Variants in OTUD7A observed in about 807,000 individuals in gnomAD.
OTUD7A encodes the protein OTU deubiquitinase 7A.
In OTUD7A, 12 loss-of-function variants were observed where a neutral mutation model predicts 65.7. The observed-to-expected ratio is 0.18, with a 90% CI of 0.12 to 0.30. The LOEUF (loss-of-function observed/expected upper bound fraction) is 0.30. OTUD7A is among the 10% of genes least tolerant of loss of function. The pLI, the probability that OTUD7A is intolerant of heterozygous loss-of-function variation, is 1.00. For synonymous variants in OTUD7A, 641 were observed against 586.3 expected, an observed-to-expected ratio of 1.09 and a Z score of -1.35; for missense variants, 1,148 against 1,304.8, an observed-to-expected ratio of 0.88 and a Z score of 1.85.
At chr15:31,508,595 G>A (rs1173306167) in intron 8 of OTUD7A, among the ~76,000 whole-genome samples, 2 of 152,310 alleles carry the variant, frequency 1.3e-5, no homozygotes, top group Admixed American at 6.5e-5. Flanking sequence ...CTCATGATCC[G>A]CCTGCCTCAG....
intron 1 of OTUD7A, among the ~76,000 whole-genome samples, chr15:31,699,778 C>A (rs1027032192): frequency 6.6e-6 from 1 of 151,928 alleles, no homozygotes; most frequent in Non-Finnish European, 1.5e-5. Flanking sequence ...TATCACATCC[C>A]TTCTTGTCAA....
intron 8 of OTUD7A, among the ~76,000 whole-genome samples, chr15:31,513,948 G>C (rs2041801892): frequency 6.6e-6 from 1 of 152,058 alleles, no homozygotes; most frequent in Non-Finnish European, 1.5e-5. Context: ...GTGATTATGT[G>C]GATGCTCAGA....
chr15:31,510,599 ATATG>A lies in OTUD7A; in HGVS notation c.894-6785_894-6782del, dbSNP rs2041678909. ...ATATGTAACATACATATGTATATCT[ATATG>A]TAACATACATATGTATATCTATATG... On this transcript the variant is annotated intron_variant, in intron 8 of 12. Coordinates refer to ENST00000307050, the MANE Select transcript of OTUD7A (RefSeq NM_001382637.1). Among the ~76,000 whole-genome samples, 3 of 41,274 alleles carry A rather than the reference ATATG, an allele frequency of 7.3e-5. 1 individual carries two copies. The South Asian group carries it at 3.0e-3, about 41-fold the overall frequency. The allele number at this position is 41,274 out of a possible 152,430, so 27.1% of individuals were successfully genotyped here.
intron 3 of OTUD7A, among the ~76,000 whole-genome samples, chr15:31,605,598 G>A (rs1429504110): frequency 6.6e-6 from 1 of 152,202 alleles, no homozygotes; most frequent in South Asian, 2.1e-4. Context: ...ATTAGGGGGC[G>A]CCTCCGTGCT....
At position 31,870,518 on chromosome 15, in the gene OTUD7A, C is replaced by T. The variant is rs1410578820; in HGVS notation, c.-111G>A. 4 of 148,954 alleles carry T rather than the reference C, an allele frequency of 2.7e-5. No individual in the cohort carries two copies. Among genetic ancestry groups the T allele is most frequent in the African/African-American group, 9.8e-5 (4 of 40,994 alleles). 9.2% of individuals were successfully genotyped at this position (148,954 alleles called of 1,614,324 possible). Reference sequence around the variant, plus strand: ...CAGCGCCGTCTTACCTGCCGCGCCGCGCCGCTCCGCTCCGCCAGCCCGCAG... The same window carrying T: ...CAGCGCCGTCTTACCTGCCGCGCCGTGCCGCTCCGCTCCGCCAGCCCGCAG... On this transcript the variant is annotated 5_prime_UTR_variant, in exon 1 of 13. Transcript: ENST00000307050.
intron 1 of OTUD7A, among the ~76,000 whole-genome samples, chr15:31,869,353 TGGA>T (rs144219126): frequency 2.0e-5 from 3 of 152,074 alleles, no homozygotes; most frequent in Non-Finnish European, 2.9e-5. Context: ...GGGCACACCC[TGGA>T]GGAGGAGGAG....
In OTUD7A at chr15:31,671,991, C is replaced by T. The variant is rs528469958; in HGVS notation, c.-99-14914G>A. ...GAGTCCGTGTGTACTTAATGCTTAG[C>T]TCCCACTTTTAAGTAAGAACACGCG... is the stretch of plus-strand genomic sequence containing the variant. On this transcript the variant is annotated intron_variant, in intron 1 of 12. Coordinates refer to ENST00000307050, the MANE Select transcript of OTUD7A (RefSeq NM_001382637.1). Among the ~76,000 whole-genome samples, 26 of 152,268 alleles carry T rather than the reference C, an allele frequency of 1.7e-4. No homozygotes were observed. In the South Asian group the frequency reaches 2.5e-3, roughly 15 times the overall value.
chr15:31,551,844 A>G (rs886402284), intron 5 of OTUD7A, among the ~76,000 whole-genome samples: 1 of 152,090 alleles, frequency 6.6e-6, no homozygotes, highest in Non-Finnish European at 1.5e-5. Context: ...GGACTGCGGT[A>G]TTGCCTTCAT....
intron 1 of OTUD7A, among the ~76,000 whole-genome samples, chr15:31,779,454 T>C (rs892509008): frequency 6.6e-6 from 1 of 152,224 alleles, no homozygotes; most frequent in Non-Finnish European, 1.5e-5. Context: ...TAGAACTATC[T>C]TGGTGTAATG....
At chr15:31,823,097 T>C (rs994198328) in intron 1 of OTUD7A, among the ~76,000 whole-genome samples, 4 of 152,168 alleles carry the variant, frequency 2.6e-5, no homozygotes, top group African/African-American at 9.6e-5. Context: ...CAGCCTGTGT[T>C]TCAAAGACAA....
chr15:31,809,341 C>T (rs1428996844), intron 1 of OTUD7A, among the ~76,000 whole-genome samples: 1 of 152,224 alleles, frequency 6.6e-6, no homozygotes, highest in Non-Finnish European at 1.5e-5. Flanking sequence ...TCCCTTTCTT[C>T]TGCCTTCCCA....
intron 4 of OTUD7A, among the ~76,000 whole-genome samples, chr15:31,561,863 A>G (rs935787740): frequency 6.6e-6 from 1 of 152,014 alleles, no homozygotes; most frequent in Non-Finnish European, 1.5e-5. Context: ...TATAAATAAA[A>G]TGTTTTACAG....
intron 1 of OTUD7A, among the ~76,000 whole-genome samples, chr15:31,809,502 A>T (rs1896366292): frequency 6.6e-6 from 1 of 152,186 alleles, no homozygotes. Context: ...CTGAGCAGAA[A>T]CCCAGTTCCA....
intron 3 of OTUD7A, among the ~76,000 whole-genome samples, chr15:31,616,092 C>T (rs564668787): frequency 6.6e-6 from 1 of 152,238 alleles, no homozygotes; most frequent in African/African-American, 2.4e-5. Flanking sequence ...AACCTCTTAG[C>T]TGCAGCGCAG....
chr15:31,554,745 T>G (rs751318975), intron 5 of OTUD7A, among the ~76,000 whole-genome samples: 1 of 152,058 alleles, frequency 6.6e-6, no homozygotes, highest in Non-Finnish European at 1.5e-5. Flanking sequence ...AGATGATACT[T>G]CCCAACCCAG....
At chr15:31,685,779 T>C (rs912385425) in intron 1 of OTUD7A, among the ~76,000 whole-genome samples, 2 of 152,228 alleles carry the variant, frequency 1.3e-5, no homozygotes, top group African/African-American at 4.8e-5. Flanking sequence ...TGCCTGAGAA[T>C]TGAGCTTTTG....
At chr15:31,646,572 T>C (rs12440361) in intron 3 of OTUD7A, among the ~76,000 whole-genome samples, 50,399 of 151,526 alleles carry the variant, frequency 0.33, 10,567 homozygotes, top group East Asian at 0.9. Context: ...GCAATTCTCC[T>C]GCCTCAGCCT....
rs986282311 is a variant in OTUD7A, at chr15:31,485,394, G to A, written c.1372-670C>T. Among the ~76,000 whole-genome samples, 31 of 152,222 alleles carry A rather than the reference G, an allele frequency of 2.0e-4. 1 individual carries two copies. The highest frequency in any genetic ancestry group is 4.4e-5 in the Non-Finnish European group (3 of 68,048). On this transcript the variant is annotated intron_variant, in intron 12 of 12. Coordinates refer to ENST00000307050, the MANE Select transcript of OTUD7A (RefSeq NM_001382637.1). ...CCTTTCTCACTCAGTTTGGCAAGGTGGAATGCTAAATTGAGGAGGATTCTG... is the reference window on the plus strand; with the variant it reads ...CCTTTCTCACTCAGTTTGGCAAGGTAGAATGCTAAATTGAGGAGGATTCTG...
intron 3 of OTUD7A, among the ~76,000 whole-genome samples, chr15:31,595,469 G>A (rs374568575): frequency 1.3e-5 from 2 of 152,178 alleles, no homozygotes; most frequent in Admixed American, 6.5e-5. Context: ...CCAGCTGGGT[G>A]AACTTCTTCA....
Sources: gnomAD v4.1 joint callset for allele counts (sites outside exome capture counted in the v4.1 genomes callset) on GRCh38, gnomAD v4.1.1 for gene constraint, MANE v1.5 for transcripts, NCBI Gene and HGNC (gene_info 2026-07-23, HGNC 2026-07-21) for gene names.